Variants in MACROD2 observed in about 807,000 individuals in gnomAD.
The protein encoded by MACROD2 is mono-ADP ribosylhydrolase 2, also known as ADP-ribose glycohydrolase MACROD2.
In MACROD2, 36 loss-of-function variants were observed where a neutral mutation model predicts 70.4. That is an observed-to-expected ratio of 0.51 (90% CI 0.39 to 0.68). The LOEUF (loss-of-function observed/expected upper bound fraction) is 0.68, where lower values mean the gene tolerates loss of function less well. MACROD2 is among the 30% of genes least tolerant of loss of function. MACROD2 has a pLI of 0.00. For missense variants in MACROD2, 496 were observed against 538.4 expected (o/e 0.92, Z 0.78); for synonymous variants, 172 against 178.8 (o/e 0.96, Z 0.30).
At chr20:14,225,663 A>G (rs148061324) in intron 3 of MACROD2, among the ~76,000 whole-genome samples, 64 of 152,352 alleles carry the variant, frequency 4.2e-4, no homozygotes, top group African/African-American at 1.4e-3. Flanking sequence ...TCTTGATTTC[A>G]GTACAATTAT....
At chr20:14,549,041 C>A (rs1978472194) in intron 4 of MACROD2, among the ~76,000 whole-genome samples, 1 of 152,158 alleles carries the variant, frequency 6.6e-6, no homozygotes, top group Non-Finnish European at 1.5e-5. Flanking sequence ...CCAGAGAGAG[C>A]CCTCAGGCAA....
At chr20:14,281,118 A>G (rs1024716293) in intron 3 of MACROD2, among the ~76,000 whole-genome samples, 1 of 152,220 alleles carries the variant, frequency 6.6e-6, no homozygotes, top group African/African-American at 2.4e-5. Flanking sequence ...TTCACACAAA[A>G]TTTGTACACA....
intron 9 of MACROD2, among the ~76,000 whole-genome samples, chr20:15,875,608 G>A (rs2064656660): frequency 2.0e-5 from 3 of 151,934 alleles, no homozygotes. Flanking sequence ...CAAGCAACCT[G>A]AATGCAGGAA....
At chr20:14,043,247 G>T (rs1211992809) in intron 2 of MACROD2, among the ~76,000 whole-genome samples, 2 of 152,182 alleles carry the variant, frequency 1.3e-5, no homozygotes, top group African/African-American at 4.8e-5. Context: ...CTGTGCTTCT[G>T]ACGGACCAAC....
chr20:14,059,826 A>T (rs79625359), intron 2 of MACROD2, among the ~76,000 whole-genome samples: 1,908 of 152,318 alleles, frequency 0.013, 43 homozygotes, highest in East Asian at 0.074. Flanking sequence ...TATAAAGAAG[A>T]TAAAATGCTA....
In MACROD2 at chr20:14,812,703, A is replaced by G. The variant is rs759614564; in HGVS notation, c.418+127744A>G. On this transcript the variant is annotated intron_variant, in intron 5 of 17. Transcript: ENST00000684519. ...AACCAAAGTGTTTTTTCTCCGCTCA[A>G]ACATCACTCAACACAACACTTCTCA... Among the ~76,000 whole-genome samples the G allele has an allele frequency of 5.0e-4, 76 of 152,084 alleles. 1 individual carries two copies. Among genetic ancestry groups the G allele is most frequent in the Middle Eastern group, 3.2e-3 (1 of 316 alleles).
At chr20:15,321,730 A>G (rs1236869117) in intron 6 of MACROD2, among the ~76,000 whole-genome samples, 1 of 144,558 alleles carries the variant, frequency 6.9e-6, no homozygotes, top group Non-Finnish European at 1.6e-5. Flanking sequence ...CTGCAAGAGA[A>G]CAAGTGAATC....
At chr20:15,568,367 C>A (rs1001110700) in intron 8 of MACROD2, among the ~76,000 whole-genome samples, 3 of 152,180 alleles carry the variant, frequency 2.0e-5, no homozygotes, top group African/African-American at 7.2e-5. Context: ...CTAGGCTGTG[C>A]CATATAACAA....
chr20:15,585,002 C>G (rs2048577783), intron 8 of MACROD2, among the ~76,000 whole-genome samples: 1 of 152,146 alleles, frequency 6.6e-6, no homozygotes, highest in African/African-American at 2.4e-5. Context: ...GCTTGCTAAT[C>G]AGATACACAT....
At chr20:14,764,928 T>TG (rs1451350594) in intron 5 of MACROD2, among the ~76,000 whole-genome samples, 1 of 152,124 alleles carries the variant, frequency 6.6e-6, no homozygotes. Context: ...TTCTCCACCC[T>TG]GTCCAGCTAA....
At chr20:14,413,431 G>A (rs1452553179) in intron 3 of MACROD2, among the ~76,000 whole-genome samples, 1 of 151,930 alleles carries the variant, frequency 6.6e-6, no homozygotes, top group Non-Finnish European at 1.5e-5. Flanking sequence ...AATGAAACCT[G>A]TTTGTCATTG....
chr20:15,285,768 A>G (rs542319944), intron 6 of MACROD2, among the ~76,000 whole-genome samples: 12 of 152,282 alleles, frequency 7.9e-5, no homozygotes, highest in African/African-American at 2.9e-4. Context: ...GTCATGCATT[A>G]TGATGTTTTG....
At chr20:14,555,916 G>A (rs760686682) in intron 4 of MACROD2, among the ~76,000 whole-genome samples, 2 of 152,016 alleles carry the variant, frequency 1.3e-5, no homozygotes, top group Non-Finnish European at 2.9e-5. Context: ...GACATCAGTT[G>A]TAATGAGATT....
At chr20:15,999,404 A>G (rs1197798226) in intron 15 of MACROD2, among the ~76,000 whole-genome samples, 2 of 152,216 alleles carry the variant, frequency 1.3e-5, no homozygotes, top group African/African-American at 2.4e-5. Context: ...CATATGATCT[A>G]TCCTAGGGAA....
At chr20:15,856,010 A>C (rs1306483713) in intron 8 of MACROD2, among the ~76,000 whole-genome samples, 1 of 152,160 alleles carries the variant, frequency 6.6e-6, no homozygotes, top group Non-Finnish European at 1.5e-5. Flanking sequence ...CTTTTGGTGA[A>C]TATATTTGTA....
intron 6 of MACROD2, among the ~76,000 whole-genome samples, chr20:15,280,362 T>A (rs1479328413): frequency 1.3e-5 from 2 of 152,174 alleles, no homozygotes; most frequent in African/African-American, 4.8e-5. Context: ...GGGGTAATAG[T>A]CACAGACTAA....
chr20:14,522,890 A>G (rs375706178), intron 4 of MACROD2, among the ~76,000 whole-genome samples: 1 of 152,068 alleles, frequency 6.6e-6, no homozygotes, highest in Non-Finnish European at 1.5e-5. Flanking sequence ...ATGTTTCCCT[A>G]CCTCCTAGAG....
chr20:15,905,565 A>G (rs150761926), intron 10 of MACROD2, among the ~76,000 whole-genome samples: 25 of 152,340 alleles, frequency 1.6e-4, no homozygotes, highest in Non-Finnish European at 3.1e-4. Context: ...GATTGTTTTC[A>G]ATGTTGACAC....
At chr20:15,712,946 C>T (rs966438321) in intron 8 of MACROD2, among the ~76,000 whole-genome samples, 1 of 152,216 alleles carries the variant, frequency 6.6e-6, no homozygotes, top group African/African-American at 2.4e-5. Context: ...AACTAGGCTT[C>T]ACCTCCACTA....
Sources: gnomAD v4.1 joint callset for allele counts (sites outside exome capture counted in the v4.1 genomes callset) on GRCh38, gnomAD v4.1.1 for gene constraint, MANE v1.5 for transcripts, NCBI Gene and HGNC (gene_info 2026-07-23, HGNC 2026-07-21) for gene names.